The following SACM1L variants were observed in gnomAD, a reference collection of about 807,000 sequenced individuals.
SACM1L encodes phosphatidylinositol-3-phosphatase SAC1.
In SACM1L, 32 loss-of-function variants were observed where a neutral mutation model predicts 89.5. The ratio of observed to expected loss-of-function variants is 0.36; its 90% confidence interval spans 0.27 to 0.48. The LOEUF is 0.48. Among genes scored for constraint, SACM1L ranks in the 20% least tolerant of loss-of-function variants. SACM1L has a pLI of 0.99. For missense variants in SACM1L, 543 were observed against 708.5 expected (o/e 0.77, Z 2.65); for synonymous variants, 213 against 232.8 (o/e 0.92, Z 0.77).
chr3:45,689,620 C>T (rs1408718850), intron 1 of SACM1L, 123 bp downstream of exon 1: 5 of 1,209,368 alleles, frequency 4.1e-6, no homozygotes, highest in Non-Finnish European at 5.9e-6. Flanking sequence ...TCGCATTTAC[C>T]GGTTTTCCTC....
At chr3:45,739,396 A>G (rs945433737) in intron 18 of SACM1L, among the ~76,000 whole-genome samples, 191 bp from the exon 19 acceptor site, 2 of 152,176 alleles carry the variant, frequency 1.3e-5, no homozygotes, top group African/African-American at 2.4e-5. Context: ...ATCTTACCAC[A>G]TCCCCCATCT....
In SACM1L at chr3:45,722,009, C is replaced by T. The variant is rs780924690; in HGVS notation, c.689C>T (p.Ser230Leu). The change falls in exon 9 of 20, where the codon TCG becomes TTG. Residue 230 changes from serine (S) to leucine (L), a missense_variant. Ser to Leu is a moderately radical substitution (Grantham distance 145). Around this residue, in one of 2 missense-constraint regions of SACM1L, gnomAD observed 370 missense variants for 527.6 expected, o/e 0.70. Transcript: ENST00000389061. ...TTTTTTTTCTATTTAGGAATTGATTCGGAAGGCCATGCAGCTAACTTTGTA... is the reference window on the plus strand; with the variant it reads ...TTTTTTTTCTATTTAGGAATTGATTTGGAAGGCCATGCAGCTAACTTTGTA... ...GVRYYVRGID[S>L]EGHAANFVET... The T allele has an allele frequency of 7.5e-6, 12 of 1,608,610 alleles. No homozygotes were observed. The East Asian group carries it at 1.1e-4, about 15-fold the overall frequency.
chr3:45,729,098 A>AT (rs1381306793), intron 11 of SACM1L, among the ~76,000 whole-genome samples: 8 of 151,508 alleles, frequency 5.3e-5, no homozygotes, highest in Non-Finnish European at 8.8e-5. Context: ...TTATTTATTT[A>AT]TTTTTTGAGA....
chr3:45,689,639 C>T (rs1575377263), intron 1 of SACM1L, 142 bp downstream of exon 1: 2 of 1,049,940 alleles, frequency 1.9e-6, no homozygotes. Context: ...TCAGCCGGCG[C>T]GGCCTCTCCT....
chr3:45,729,077 T>TA (rs766826593), intron 11 of SACM1L, among the ~76,000 whole-genome samples: 1 of 151,482 alleles, frequency 6.6e-6, no homozygotes, highest in Non-Finnish European at 1.5e-5. Context: ...TTTTTGGATT[T>TA]ATTTATTTAT....
At chr3:45,694,393 A>G (rs137862949) in intron 1 of SACM1L, among the ~76,000 whole-genome samples, 38 of 152,324 alleles carry the variant, frequency 2.5e-4, no homozygotes, top group African/African-American at 9.1e-4. Flanking sequence ...TGATACAGAC[A>G]CATATAATCT....
At chr3:45,713,877 T>C (rs1007408561) in intron 6 of SACM1L, 169 bp from the exon 7 acceptor site, 6 of 343,244 alleles carry the variant, frequency 1.7e-5, no homozygotes, top group Non-Finnish European at 2.6e-5. Context: ...GCTCAAATGA[T>C]TGTAATGCAT....
intron 7 of SACM1L, among the ~76,000 whole-genome samples, chr3:45,718,432 T>A (rs2064063): frequency 0.63 from 95,702 of 151,990 alleles, 30,563 homozygotes; most frequent in Non-Finnish European, 0.66. Flanking sequence ...CAGGGAAAGG[T>A]GCTTCAGAGA....
In SACM1L at chr3:45,735,331, C is replaced by T; in HGVS notation, c.1197C>T (p.Ile399=). The change falls in exon 14 of 20, where the codon ATC becomes ATT. Residue 399 remains isoleucine, a synonymous_variant. Coordinates refer to ENST00000389061, the MANE Select transcript of SACM1L (RefSeq NM_014016.5). ...CMDCLDRTNV[I]QSLLARRSLQ... is the part of the protein sequence containing the mutation. ...ATTGTCTAGATAGAACCAATGTGAT[C>T]CAGAGTTTGTTAGCTCGTCGTTCAC... 1 of 1,594,738 alleles carries T rather than the reference C, an allele frequency of 6.3e-7. No individual in the cohort carries two copies.
At chr3:45,692,195 TCTTAA>T (rs1206952840) in intron 1 of SACM1L, among the ~76,000 whole-genome samples, 4 of 152,252 alleles carry the variant, frequency 2.6e-5, no homozygotes, top group Non-Finnish European at 5.9e-5. Context: ...TGGATTCATA[TCTTAA>T]CTTGACTACT....
chr3:45,720,462 G>A (rs1220585095), intron 8 of SACM1L, among the ~76,000 whole-genome samples: 1 of 152,030 alleles, frequency 6.6e-6, no homozygotes, highest in Admixed American at 6.6e-5. Context: ...CTAATCAGAT[G>A]TTAGTTTCTT....
intron 7 of SACM1L, among the ~76,000 whole-genome samples, chr3:45,716,894 T>G (rs900303089): frequency 6.6e-6 from 1 of 152,230 alleles, no homozygotes; most frequent in Non-Finnish European, 1.5e-5. Context: ...GCTTTCTGGA[T>G]TCTCTAAAGT....
intron 1 of SACM1L, among the ~76,000 whole-genome samples, chr3:45,701,014 G>T (rs1346457137): frequency 6.6e-6 from 1 of 152,198 alleles, no homozygotes; most frequent in Non-Finnish European, 1.5e-5. Context: ...ATGGCAGCAA[G>T]GAATGAAATC....
chr3:45,724,850 G>T (rs1327485797), intron 11 of SACM1L, among the ~76,000 whole-genome samples: 1 of 152,014 alleles, frequency 6.6e-6, no homozygotes, highest in Non-Finnish European at 1.5e-5. Flanking sequence ...AACTGCACAT[G>T]AGTTAATTTT....
At position 45,740,299 on chromosome 3, in the gene SACM1L, AGTCTT is replaced by A. The variant is rs1699287573; in HGVS notation, c.1627+661_1627+665del. On this transcript the variant is annotated intron_variant, in intron 19 of 19. Transcript: ENST00000389061. ...GGGGTGGGCGGAGGGATGATTTTCTAGTCTTGTCTTTGTCCCATACCTGTGAAAAT... is the reference window on the plus strand; with the variant it reads ...GGGGTGGGCGGAGGGATGATTTTCTAGTCTTTGTCCCATACCTGTGAAAAT... 4.6e-5 allele frequency among the ~76,000 whole-genome samples: 7 copies of A among 152,292 alleles called. No homozygotes were observed. The South Asian group carries it at 1.4e-3, about 32-fold the overall frequency.
In SACM1L at chr3:45,745,293, T is replaced by C. The variant is rs900315334; in HGVS notation, c.*1624T>C. 1 of 152,678 alleles carries C rather than the reference T, an allele frequency of 6.5e-6. No individual in the cohort carries two copies. Among genetic ancestry groups the C allele is most frequent in the African/African-American group, 2.4e-5 (1 of 41,472 alleles). The allele number at this position is 152,678 out of a possible 1,614,324, so 9.5% of individuals were successfully genotyped here. On this transcript the variant is annotated 3_prime_UTR_variant, in exon 20 of 20. Transcript: ENST00000389061. Reference sequence around the variant, plus strand: ...TGTGGCTGCTTTGTAGGGAATGGACTAATATCAGTGTGTTAGATCTTAAGG... The same window carrying C: ...TGTGGCTGCTTTGTAGGGAATGGACCAATATCAGTGTGTTAGATCTTAAGG...
At chr3:45,689,560 C>T (rs1697916719) in intron 1 of SACM1L, 63 bp downstream of exon 1, 3 of 1,523,680 alleles carry the variant, frequency 2.0e-6, no homozygotes, top group Non-Finnish European at 1.8e-6. Flanking sequence ...GGGCCCTGGC[C>T]TCGGGGAGGG....
intron 11 of SACM1L, among the ~76,000 whole-genome samples, chr3:45,727,478 A>T (rs970079821): frequency 3.3e-5 from 5 of 152,170 alleles, no homozygotes; most frequent in African/African-American, 1.2e-4. Context: ...AAAAATGTGT[A>T]TTCTGCTGCT....
At chr3:45,709,476 A>C in intron 4 of SACM1L, 22 bp from the exon 5 acceptor site, 2 of 1,583,674 alleles carry the variant, frequency 1.3e-6, no homozygotes, top group Non-Finnish European at 1.7e-6. Context: ...TATGAGCTAT[A>C]CTGATTTTTC....
Sources: gnomAD v4.1 joint callset for allele counts (sites outside exome capture counted in the v4.1 genomes callset) on GRCh38, gnomAD v4.1.1 for gene constraint, gnomAD v4.1.1 regional missense constraint, MANE v1.5 for transcripts, NCBI Gene and HGNC (gene_info 2026-07-23, HGNC 2026-07-21) for gene names.